GBE1: variants seen among roughly 807,000 people sequenced by gnomAD.
GBE1 encodes the protein 1,4-alpha-glucan-branching enzyme.
A neutral mutation model predicts 88.8 loss-of-function variants in GBE1; 70 were observed. The ratio of observed to expected loss-of-function variants is 0.79; its 90% confidence interval spans 0.65 to 0.96. The LOEUF is 0.96. Among genes scored for constraint, GBE1 ranks in the 40% least tolerant of loss-of-function variants. The pLI is 0.00. For synonymous variants in GBE1, 284 were observed against 300.1 expected (o/e 0.95, Z 0.56); for missense variants, 872 against 871.0 (o/e 1.00, Z -0.01).
intron 2 of GBE1, among the ~76,000 whole-genome samples, chr3:81,696,490 T>C (rs2107153489): frequency 6.6e-6 from 1 of 152,336 alleles, no homozygotes; most frequent in South Asian, 2.1e-4. Flanking sequence ...ACAAAAAATT[T>C]GATATATGTT....
At chr3:81,743,756 G>T in intron 1 of GBE1, 1 of 588,196 alleles carries the variant, frequency 1.7e-6, no homozygotes, top group Non-Finnish European at 2.9e-6. Flanking sequence ...TTGTGTTTTT[G>T]CTTTATAGGA....
chr3:81,631,761 A>G (rs2107036502), intron 7 of GBE1, among the ~76,000 whole-genome samples: 1 of 151,058 alleles, frequency 6.6e-6, no homozygotes, highest in African/African-American at 2.4e-5. Context: ...AAAAAAAAAC[A>G]TAAAAAATAA....
intron 1 of GBE1, among the ~76,000 whole-genome samples, chr3:81,719,044 C>A (rs1382050865): frequency 6.6e-6 from 1 of 151,890 alleles, no homozygotes; most frequent in East Asian, 1.9e-4. Context: ...TAAGTTGAAC[C>A]ATTGAAGAAA....
intron 7 of GBE1, among the ~76,000 whole-genome samples, chr3:81,633,405 G>A (rs1327625318): frequency 6.6e-6 from 1 of 152,160 alleles, no homozygotes; most frequent in East Asian, 1.9e-4. Flanking sequence ...GCTAGTAAGT[G>A]ATGAACTAGT....
rs188304855 is a variant in GBE1 at position 81,599,389 on chromosome 3, G to A, written c.993-5366C>T. ...AGAACAAAAGTGAAGGCTATTAGTC[G>A]GATAGGATGGAAAAAGACAAGTGTA... On this transcript the variant is annotated intron_variant, in intron 7 of 15. Transcript: ENST00000429644. 4.6e-5 allele frequency among the ~76,000 whole-genome samples: 7 copies of A among 151,970 alleles called. No homozygotes were observed. In the South Asian group the frequency reaches 1.0e-3, roughly 23 times the overall value.
chr3:81,574,379 A>G (rs1703617093), intron 12 of GBE1, among the ~76,000 whole-genome samples: 2 of 152,156 alleles, frequency 1.3e-5, no homozygotes. Flanking sequence ...TAACAGTATT[A>G]AGTCATTTCA....
intron 2 of GBE1, among the ~76,000 whole-genome samples, chr3:81,673,004 C>G (rs1361930793): frequency 6.6e-6 from 1 of 151,824 alleles, no homozygotes; most frequent in Admixed American, 6.6e-5. Flanking sequence ...TGAAGACAAC[C>G]TGAAAATGTC....
chr3:81,579,488 A>G (rs2106935922), intron 11 of GBE1, among the ~76,000 whole-genome samples: 1 of 152,104 alleles, frequency 6.6e-6, no homozygotes, highest in East Asian at 1.9e-4. Context: ...TATCTTTTTC[A>G]TCTTCCATTT....
At chr3:81,672,568 T>C (rs1407513731) in intron 2 of GBE1, among the ~76,000 whole-genome samples, 1 of 151,938 alleles carries the variant, frequency 6.6e-6, no homozygotes, top group Admixed American at 6.6e-5. Flanking sequence ...TATTGATACA[T>C]AGGTATGTAG....
At chr3:81,617,186 T>A (rs1391674175) in intron 7 of GBE1, among the ~76,000 whole-genome samples, 4 of 151,894 alleles carry the variant, frequency 2.6e-5, no homozygotes, top group Admixed American at 2.6e-4. Flanking sequence ...GTTTTATTTA[T>A]CCATTCTGAT....
intron 2 of GBE1, among the ~76,000 whole-genome samples, chr3:81,688,704 C>A (rs989226737): frequency 6.6e-6 from 1 of 151,808 alleles, no homozygotes; most frequent in Non-Finnish European, 1.5e-5. Flanking sequence ...GGGTCACTAA[C>A]CAATTGTGTA....
At chr3:81,736,159 G>A (rs543574476) in intron 1 of GBE1, among the ~76,000 whole-genome samples, 1 of 152,256 alleles carries the variant, frequency 6.6e-6, no homozygotes, top group East Asian at 1.9e-4. Context: ...CCCTCACCAA[G>A]ACATTTCTCA....
rs767762891 is a variant in GBE1, at chr3:81,591,071, T to C, written c.1202A>G (p.His401Arg). The change falls in exon 9 of 16, where the codon CAC becomes CGC. Residue 401 changes from histidine (H) to arginine (R), a missense_variant. Coordinates refer to ENST00000429644, the MANE Select transcript of GBE1 (RefSeq NM_000158.4). ...TYLMLANHLV[H>R]TLCPDSITIA... ...TGTTATAGAATCGGGACACAGCGTGTGAACCAAATGATTTGCCAACATGAG... is the reference window on the plus strand; with the variant it reads ...TGTTATAGAATCGGGACACAGCGTGCGAACCAAATGATTTGCCAACATGAG... The C allele has an allele frequency of 4.3e-6, 7 of 1,610,320 alleles. No individual in the cohort carries two copies. In the Admixed American group the frequency reaches 8.4e-5, roughly 19 times the overall value.
intron 3 of GBE1, among the ~76,000 whole-genome samples, chr3:81,656,550 T>G (rs537504353): frequency 6.6e-6 from 1 of 152,290 alleles, no homozygotes; most frequent in East Asian, 1.9e-4. Context: ...ATTTACACAG[T>G]AGCCTTAGGA....
chr3:81,555,634 C>G (rs1703337192), intron 12 of GBE1, among the ~76,000 whole-genome samples: 2 of 152,174 alleles, frequency 1.3e-5, no homozygotes, highest in African/African-American at 4.8e-5. Flanking sequence ...GACCCTGCTT[C>G]AAAGAGCCAG....
chr3:81,641,641 A>G (rs1451180581), intron 7 of GBE1, among the ~76,000 whole-genome samples: 2 of 152,038 alleles, frequency 1.3e-5, no homozygotes, highest in Non-Finnish European at 2.9e-5. Context: ...TTCTTTTCTC[A>G]CCTATTACAC....
chr3:81,578,143 A>C lies in GBE1; in HGVS notation c.1447-47T>G, dbSNP rs760465677. 1.1e-5 allele frequency: 15 copies of C among 1,399,908 alleles called. No individual in the cohort carries two copies. In the African/African-American group the frequency reaches 2.0e-4, roughly 19 times the overall value. The allele number at this position is 1,399,908 out of a possible 1,614,324, so 86.7% of individuals were successfully genotyped here. A position where few individuals can be genotyped will look rare whatever the true frequency, so the allele number is the denominator to read the frequency against. ...AGATAAATGAAAAAAAAAAGTGCTA[A>C]GTAGTTGTGATTTACAATAGAACAA... On this transcript the variant is annotated intron_variant, in intron 11 of 15. Transcript: ENST00000429644.
chr3:81,677,356 A>G (rs1478743809), intron 2 of GBE1, among the ~76,000 whole-genome samples: 3 of 152,200 alleles, frequency 2.0e-5, no homozygotes, highest in Non-Finnish European at 4.4e-5. Flanking sequence ...TATGGCAGAT[A>G]TCAATCCCAT....
chr3:81,593,076 T>C (rs900007637), intron 8 of GBE1, among the ~76,000 whole-genome samples: 7 of 151,916 alleles, frequency 4.6e-5, no homozygotes, highest in Admixed American at 4.6e-4. Context: ...AAAATAATAA[T>C]AATTGGCTGG....
Sources: allele counts gnomAD v4.1 joint callset (sites outside exome capture counted in the v4.1 genomes callset), GRCh38; gene constraint gnomAD v4.1.1; transcripts MANE v1.5; gene names NCBI Gene and HGNC (gene_info 2026-07-23, HGNC 2026-07-21).